The following HS3ST4 variants were observed in gnomAD, a reference collection of about 807,000 sequenced individuals.
The protein encoded by HS3ST4 is heparan sulfate glucosamine 3-O-sulfotransferase 4.
Under a neutral mutation model 29.2 loss-of-function variants are expected in HS3ST4, and 17 were observed. That is an observed-to-expected ratio of 0.58 (90% confidence interval 0.40 to 0.87). The LOEUF is 0.87. Among genes scored for constraint, HS3ST4 ranks in the 40% least tolerant of loss-of-function variants. HS3ST4 has a pLI of 0.00. For synonymous variants in HS3ST4, 314 were observed against 285.7 expected (o/e 1.10, Z -1.00); for missense variants, 627 against 634.5 (o/e 0.99, Z 0.13).
At chr16:25,711,425 G>A (rs1966414572) in intron 1 of HS3ST4, among the ~76,000 whole-genome samples, 1 of 152,110 alleles carries the variant, frequency 6.6e-6, no homozygotes, top group Non-Finnish European at 1.5e-5. Context: ...GCATGAAGGA[G>A]GGAAAGCAGT....
At chr16:25,801,790 A>G (rs1231409340) in intron 1 of HS3ST4, among the ~76,000 whole-genome samples, 1 of 152,144 alleles carries the variant, frequency 6.6e-6, no homozygotes, top group Non-Finnish European at 1.5e-5. Context: ...CTCTTACAAT[A>G]TAGGTTACAA....
chr16:25,715,999 T>C (rs1966451683), intron 1 of HS3ST4, among the ~76,000 whole-genome samples: 1 of 152,020 alleles, frequency 6.6e-6, no homozygotes, highest in Non-Finnish European at 1.5e-5. Context: ...AGGGGGATCC[T>C]GAGCAGGAGC....
chr16:25,811,918 C>T (rs1019161921), intron 1 of HS3ST4, among the ~76,000 whole-genome samples: 2 of 152,102 alleles, frequency 1.3e-5, no homozygotes, highest in African/African-American at 2.4e-5. Context: ...GTGGGGTTGG[C>T]GCCCCTAACC....
intron 1 of HS3ST4, among the ~76,000 whole-genome samples, chr16:25,856,584 GGAA>G (rs560573771): frequency 3.2e-4 from 48 of 152,212 alleles, no homozygotes; most frequent in Non-Finnish European, 5.9e-4. Context: ...GGGCCACAAT[GGAA>G]GAAGAAGAAT....
At chr16:25,931,280 A>G (rs114675699) in intron 1 of HS3ST4, among the ~76,000 whole-genome samples, 2,697 of 152,096 alleles carry the variant, frequency 0.018, 92 homozygotes, top group African/African-American at 0.062. Flanking sequence ...GCCCTGCTGC[A>G]TTTCTTTTCT....
chr16:26,120,091 G>GTA (rs34788561), intron 1 of HS3ST4, among the ~76,000 whole-genome samples: 2 of 150,768 alleles, frequency 1.3e-5, no homozygotes, highest in Admixed American at 1.3e-4. Context: ...GTGTGTGTGT[G>GTA]TATATGTGTG....
chr16:26,064,551 T>G (rs1337308967), intron 1 of HS3ST4, among the ~76,000 whole-genome samples: 1 of 151,608 alleles, frequency 6.6e-6, no homozygotes, highest in Non-Finnish European at 1.5e-5. Context: ...CAGATAGATT[T>G]ATGGTGTAGG....
intron 1 of HS3ST4, among the ~76,000 whole-genome samples, chr16:25,758,548 G>A (rs1297862380): frequency 4.0e-5 from 6 of 151,494 alleles, no homozygotes; most frequent in African/African-American, 1.5e-4. Flanking sequence ...CTGAACTTCA[G>A]AAATGGATAG....
In HS3ST4 at chr16:25,819,247, G is replaced by A. The variant is rs1466484530; in HGVS notation, c.734+126096G>A. On this transcript the variant is annotated intron_variant, in intron 1 of 1. Coordinates refer to ENST00000331351, the MANE Select transcript of HS3ST4 (RefSeq NM_006040.3). ...CACATAACACATATAATATGTTATTGCACACAGAGTTTTCTTTCATCATTC... is the reference window on the plus strand; with the variant it reads ...CACATAACACATATAATATGTTATTACACACAGAGTTTTCTTTCATCATTC... Among the ~76,000 whole-genome samples, 3 of 152,160 alleles carry A rather than the reference G, an allele frequency of 2.0e-5. 1 individual carries two copies. The highest frequency in any genetic ancestry group is 1.3e-4 in the Admixed American group (2 of 15,278).
chr16:25,863,374 C>T (rs1240698506), intron 1 of HS3ST4, among the ~76,000 whole-genome samples: 2 of 152,154 alleles, frequency 1.3e-5, no homozygotes, highest in Admixed American at 6.5e-5. Context: ...AGCCACTGTG[C>T]CTGGCCGTGT....
intron 1 of HS3ST4, among the ~76,000 whole-genome samples, chr16:25,755,189 C>G (rs978275105): frequency 1.3e-5 from 2 of 152,318 alleles, no homozygotes; most frequent in Admixed American, 1.3e-4. Context: ...CACAAGTCCC[C>G]TTGCTAACAT....
intron 1 of HS3ST4, among the ~76,000 whole-genome samples, chr16:25,855,571 G>C (rs1967566978): frequency 6.6e-6 from 1 of 152,160 alleles, no homozygotes; most frequent in Non-Finnish European, 1.5e-5. Flanking sequence ...CAAGGAGTCT[G>C]TTTTGTCAGT....
chr16:26,004,025 C>G (rs1477067017), intron 1 of HS3ST4, among the ~76,000 whole-genome samples: 6 of 152,106 alleles, frequency 3.9e-5, no homozygotes, highest in African/African-American at 1.4e-4. Context: ...CTTGTCCCCT[C>G]TCTACTTCTG....
intron 1 of HS3ST4, among the ~76,000 whole-genome samples, chr16:25,819,278 C>A (rs1408856115): frequency 6.6e-6 from 1 of 152,186 alleles, no homozygotes; most frequent in East Asian, 1.9e-4. Context: ...CATTCCACTG[C>A]AGCCTGGGCC....
intron 1 of HS3ST4, among the ~76,000 whole-genome samples, chr16:26,099,921 T>G (rs1898972067): frequency 6.6e-6 from 1 of 152,174 alleles, no homozygotes; most frequent in Admixed American, 6.5e-5. Flanking sequence ...TTATCCTGTT[T>G]GAGTAAAGAG....
intron 1 of HS3ST4, among the ~76,000 whole-genome samples, chr16:25,938,127 A>G (rs953257541): frequency 5.3e-5 from 8 of 152,180 alleles, no homozygotes; most frequent in Admixed American, 5.2e-4. Context: ...AAACAACTGT[A>G]TCCTCTCCCC....
intron 1 of HS3ST4, among the ~76,000 whole-genome samples, chr16:26,048,816 G>C (rs1177817891): frequency 1.3e-5 from 2 of 152,112 alleles, no homozygotes; most frequent in African/African-American, 2.4e-5. Flanking sequence ...CTGGGTGACA[G>C]AGCGAGACCC....
At chr16:26,005,732 G>GA (rs539885852) in intron 1 of HS3ST4, among the ~76,000 whole-genome samples, 7,666 of 127,326 alleles carry the variant, frequency 0.06, 199 homozygotes, top group Middle Eastern at 0.087. Context: ...TTTACTGTGT[G>GA]AAAAAAAAAA....
intron 1 of HS3ST4, among the ~76,000 whole-genome samples, chr16:26,086,547 C>T (rs991314722): frequency 1.3e-5 from 2 of 151,924 alleles, no homozygotes; most frequent in South Asian, 2.1e-4. Context: ...GGCGGGGTTT[C>T]GCCGTATTAG....
Sources: allele counts gnomAD v4.1 joint callset (sites outside exome capture counted in the v4.1 genomes callset), GRCh38; gene constraint gnomAD v4.1.1; transcripts MANE v1.5; gene names NCBI Gene and HGNC (gene_info 2026-07-23, HGNC 2026-07-21).